Variants in SLC41A2 observed in about 807,000 individuals in gnomAD.
SLC41A2 encodes the protein SLC41A1-like 1.
A neutral mutation model predicts 58.3 loss-of-function variants in SLC41A2; 32 were observed. The ratio of observed to expected loss-of-function variants is 0.55; its 90% CI spans 0.41 to 0.74. The LOEUF (loss-of-function observed/expected upper bound fraction) is 0.74. Ranked by LOEUF, SLC41A2 falls within the 30% of genes least tolerant of loss-of-function variation. The pLI, the probability that SLC41A2 is intolerant of heterozygous loss-of-function variation, is 0.00. For missense variants in SLC41A2, 514 were observed against 680.6 expected, an observed-to-expected ratio of 0.76 and a Z score of 2.72; for synonymous variants, 190 against 235.0, an observed-to-expected ratio of 0.81 and a Z score of 1.75.
chr12:104,845,314 A>G (rs2042564007), intron 9 of SLC41A2, among the ~76,000 whole-genome samples: 1 of 152,148 alleles, frequency 6.6e-6, no homozygotes, highest in African/African-American at 2.4e-5. Context: ...AATTTTCTAA[A>G]ACAAAAGTCA....
At chr12:104,859,580 A>T (rs2043133085) in intron 8 of SLC41A2, among the ~76,000 whole-genome samples, 1 of 152,156 alleles carries the variant, frequency 6.6e-6, no homozygotes, top group South Asian at 2.1e-4. Context: ...GACGGGGAGA[A>T]TGGTGGCATG....
intron 2 of SLC41A2, among the ~76,000 whole-genome samples, chr12:104,925,587 G>A (rs920788342): frequency 6.6e-6 from 1 of 151,804 alleles, no homozygotes; most frequent in African/African-American, 2.4e-5. Flanking sequence ...TTTATATTAC[G>A]TTTCTACAAT....
intron 4 of SLC41A2, among the ~76,000 whole-genome samples, chr12:104,894,097 A>G (rs113352913): frequency 7.9e-5 from 12 of 152,294 alleles, no homozygotes; most frequent in African/African-American, 2.9e-4. Flanking sequence ...GTATCAAAAC[A>G]TCTCATGAAT....
At chr12:104,938,829 C>A (rs1305958663) in intron 1 of SLC41A2, among the ~76,000 whole-genome samples, 1 of 152,184 alleles carries the variant, frequency 6.6e-6, no homozygotes, top group East Asian at 1.9e-4. Flanking sequence ...AAATTCCTAT[C>A]CATTTTAGTT....
intron 1 of SLC41A2, among the ~76,000 whole-genome samples, chr12:104,945,229 G>A (rs1387574999): frequency 6.7e-6 from 1 of 149,580 alleles, no homozygotes; most frequent in African/African-American, 2.5e-5. Context: ...GGCTGGGCAC[G>A]GTAGTTCACA....
In SLC41A2 at chr12:104,932,624, C is replaced by CAAAAAAAAAAAAAAA. The variant is rs544329617; in HGVS notation, c.-167-3945_-167-3931dup. ...TGGGTGACGCAGTGAGACTTTGTCT[C>CAAAAAAAAAAAAAAA]AAAAAAAAAAAAAAAAAAAAAAGAT... On this transcript the variant is annotated intron_variant, in intron 1 of 10. Transcript: ENST00000258538. Among the ~76,000 whole-genome samples, 27 of 46,066 alleles carry CAAAAAAAAAAAAAAA rather than the reference C, an allele frequency of 5.9e-4. 1 individual carries two copies. The highest frequency in any genetic ancestry group is 3.2e-3 in the South Asian group (4 of 1,256). 30.2% of individuals were successfully genotyped at this position (46,066 alleles called of 152,430 possible). A position where few individuals can be genotyped will look rare whatever the true frequency, so the allele number is the denominator to read the frequency against.
chr12:104,860,324 A>C (rs1048007494), intron 8 of SLC41A2, among the ~76,000 whole-genome samples: 9 of 151,942 alleles, frequency 5.9e-5, no homozygotes, highest in Admixed American at 5.9e-4. Flanking sequence ...AGGTGCAGCA[A>C]ACCACCATGG....
intron 5 of SLC41A2, among the ~76,000 whole-genome samples, chr12:104,888,297 CA>C (rs1312243939): frequency 6.6e-6 from 1 of 151,982 alleles, no homozygotes; most frequent in East Asian, 1.9e-4. Flanking sequence ...AGAACCTAGC[CA>C]AAAAAGTTAG....
chr12:104,810,675 C>T (rs1292573052), intron 10 of SLC41A2, among the ~76,000 whole-genome samples: 1 of 152,154 alleles, frequency 6.6e-6, no homozygotes, highest in African/African-American at 2.4e-5. Context: ...GCCACATTCT[C>T]AGGAAGTAGG....
chr12:104,839,787 G>C (rs1475230921), intron 10 of SLC41A2, among the ~76,000 whole-genome samples: 1 of 152,238 alleles, frequency 6.6e-6, no homozygotes, highest in Non-Finnish European at 1.5e-5. Flanking sequence ...ACAGGCGTAA[G>C]CCACTGCGCC....
chr12:104,883,258 G>A (rs1416302095), intron 6 of SLC41A2, among the ~76,000 whole-genome samples: 2 of 152,140 alleles, frequency 1.3e-5, no homozygotes, highest in African/African-American at 2.4e-5. Context: ...CTTGCAATGG[G>A]TTTGAACATC....
At chr12:104,929,295 G>A (rs1269394410) in intron 1 of SLC41A2, among the ~76,000 whole-genome samples, 2 of 152,086 alleles carry the variant, frequency 1.3e-5, no homozygotes, top group Non-Finnish European at 2.9e-5. Flanking sequence ...TTGTAGTTCT[G>A]AGATATAAAA....
chr12:104,872,500 G>A lies in SLC41A2; in HGVS notation c.1028-5921C>T, dbSNP rs571379293. 3.3e-5 allele frequency among the ~76,000 whole-genome samples: 5 copies of A among 152,270 alleles called. No individual in the cohort carries two copies. In the East Asian group the frequency reaches 5.8e-4, roughly 18 times the overall value. On this transcript the variant is annotated intron_variant, in intron 6 of 10. Transcript: ENST00000258538. Reference sequence around the variant, plus strand: ...TGTAATCCCAGCAATTTGGGAGGCCGACACGGGTGGATCACTTGAGATCAG... The same window carrying A: ...TGTAATCCCAGCAATTTGGGAGGCCAACACGGGTGGATCACTTGAGATCAG...
chr12:104,831,541 T>C (rs1482505540), intron 10 of SLC41A2, among the ~76,000 whole-genome samples: 1 of 152,220 alleles, frequency 6.6e-6, no homozygotes, highest in Non-Finnish European at 1.5e-5. Flanking sequence ...AGATATTGTA[T>C]CCCCATTGTT....
intron 10 of SLC41A2, among the ~76,000 whole-genome samples, chr12:104,828,940 C>A (rs1291463748): frequency 6.6e-6 from 1 of 151,976 alleles, no homozygotes; most frequent in Non-Finnish European, 1.5e-5. Flanking sequence ...AAATTATGAT[C>A]ACCATGATAC....
At chr12:104,926,658 A>C (rs1001508145) in intron 2 of SLC41A2, among the ~76,000 whole-genome samples, 1 of 152,214 alleles carries the variant, frequency 6.6e-6, no homozygotes, top group Non-Finnish European at 1.5e-5. Flanking sequence ...AAATAAATAA[A>C]AGATACAAAA....
chr12:104,835,575 A>C (rs2042180550), intron 10 of SLC41A2, among the ~76,000 whole-genome samples: 1 of 152,150 alleles, frequency 6.6e-6, no homozygotes, highest in Non-Finnish European at 1.5e-5. Context: ...CTTCCTCCCC[A>C]CATAGAAAAA....
intron 5 of SLC41A2, 89 bp from the exon 6 acceptor site, chr12:104,886,528 G>T: frequency 7.4e-7 from 1 of 1,352,138 alleles, no homozygotes; most frequent in Non-Finnish European, 1.0e-6. Flanking sequence ...TAGAAAAACA[G>T]CATATCAATT....
chr12:104,892,704 A>G (rs1200724348), intron 4 of SLC41A2, among the ~76,000 whole-genome samples: 5 of 152,202 alleles, frequency 3.3e-5, no homozygotes, highest in African/African-American at 1.2e-4. Context: ...AAATCCATAT[A>G]TCTACAGTGA....
Sources: allele counts gnomAD v4.1 joint callset (sites outside exome capture counted in the v4.1 genomes callset), GRCh38; gene constraint gnomAD v4.1.1; transcripts MANE v1.5; gene names NCBI Gene and HGNC (gene_info 2026-07-23, HGNC 2026-07-21).